IRF2: variants seen among roughly 807,000 people sequenced by gnomAD.
The protein encoded by IRF2 is interferon regulatory factor 2.
Under a neutral mutation model 40.6 loss-of-function variants are expected in IRF2, and 15 were observed. The ratio of observed to expected loss-of-function variants is 0.37; its 90% confidence interval spans 0.25 to 0.57. The LOEUF is 0.57. Among genes scored for constraint, IRF2 ranks in the 20% least tolerant of loss-of-function variants. The pLI, the probability that IRF2 is intolerant of heterozygous loss-of-function variation, is 0.77. For synonymous variants in IRF2, 151 were observed against 165.5 expected (o/e 0.91, Z 0.67); for missense variants, 317 against 455.7 (o/e 0.70, Z 2.77).
chr4:184,399,353 T>C (rs553607606), intron 6 of IRF2, among the ~76,000 whole-genome samples: 1 of 152,280 alleles, frequency 6.6e-6, no homozygotes, highest in South Asian at 2.1e-4. Flanking sequence ...TCAGCAGAAT[T>C]CCACAGTCAA....
rs1736940322 is a variant in IRF2 at position 184,408,364 on chromosome 4, T to C, written c.412-89A>G. 2 of 824,142 alleles carry C rather than the reference T, an allele frequency of 2.4e-6. No homozygotes were observed. The highest frequency in any genetic ancestry group is 3.6e-5 in the Admixed American group (2 of 54,982). 51.1% of individuals were successfully genotyped at this position (824,142 alleles called of 1,614,324 possible). A position where few individuals can be genotyped will look rare whatever the true frequency, so the allele number is the denominator to read the frequency against. On this transcript the variant is annotated intron_variant, in intron 5 of 8. Coordinates refer to ENST00000393593, the MANE Select transcript of IRF2 (RefSeq NM_002199.4). This position sits in a 1 kb window ranked among gnomAD's most constrained non-coding sequence, Gnocchi z 4.9. Reference sequence around the variant, plus strand: ...AATTCTACCCTCTGCCTACTTTCTTTAATGCTAGGGTCATTCATGTTCAGC... The same window carrying C: ...AATTCTACCCTCTGCCTACTTTCTTCAATGCTAGGGTCATTCATGTTCAGC...
intron 1 of IRF2, among the ~76,000 whole-genome samples, chr4:184,460,925 T>C (rs912890685): frequency 6.6e-6 from 1 of 152,212 alleles, no homozygotes; most frequent in Non-Finnish European, 1.5e-5. Context: ...TAGGCTGTTA[T>C]TTTAAATAAG....
chr4:184,450,884 C>T (rs1738689504), intron 1 of IRF2, among the ~76,000 whole-genome samples: 1 of 152,128 alleles, frequency 6.6e-6, no homozygotes, highest in South Asian at 2.1e-4. Context: ...TGAATGACAT[C>T]CACACCGTCC....
chr4:184,448,793 C>T lies in IRF2; in HGVS notation c.-6-19723G>A, dbSNP rs1390327390. Reference sequence around the variant, plus strand: ...TCCCAGCGCCCCAAATCTGGCATTCCCAGAATAGTTTCATTTTCGATCATG... The same window carrying T: ...TCCCAGCGCCCCAAATCTGGCATTCTCAGAATAGTTTCATTTTCGATCATG... On this transcript the variant is annotated intron_variant, in intron 1 of 8. Coordinates refer to ENST00000393593, the MANE Select transcript of IRF2 (RefSeq NM_002199.4). The surrounding 1 kb of genome is among the most constrained non-coding windows in gnomAD (Gnocchi z 4.3). The T allele has an allele frequency of 6.6e-6, 1 of 152,174 alleles. No individual in the cohort carries two copies. Among genetic ancestry groups the T allele is most frequent in the Non-Finnish European group, 1.5e-5 (1 of 68,054 alleles). 9.4% of individuals were successfully genotyped at this position (152,174 alleles called of 1,614,324 possible). A position where few individuals can be genotyped will look rare whatever the true frequency, so the allele number is the denominator to read the frequency against.
At position 184,433,956 on chromosome 4, in the gene IRF2, G is replaced by T. The variant is rs58161271; in HGVS notation, c.-6-4886C>A. On this transcript the variant is annotated intron_variant, in intron 1 of 8. Coordinates refer to ENST00000393593, the MANE Select transcript of IRF2 (RefSeq NM_002199.4). Reference sequence around the variant, plus strand: ...CCTAGCACCAGAAACGGATCATTTAGTTGGACACTATAAACAGATTAATTA... The same window carrying T: ...CCTAGCACCAGAAACGGATCATTTATTTGGACACTATAAACAGATTAATTA... 4.6e-3 allele frequency among the ~76,000 whole-genome samples: 703 copies of T among 152,272 alleles called. 7 individuals are homozygous for T. Among genetic ancestry groups the T allele is most frequent in the African/African-American group, 0.016 (677 of 41,576 alleles).
chr4:184,390,383 G>A (rs529002641), intron 8 of IRF2, among the ~76,000 whole-genome samples: 10 of 152,264 alleles, frequency 6.6e-5, no homozygotes, highest in South Asian at 6.2e-4. Context: ...TATTTTTGCC[G>A]GTGAAGTAGG....
At chr4:184,452,769 T>TAAAAAAA (rs1738762996) in intron 1 of IRF2, among the ~76,000 whole-genome samples, 2 of 6,852 alleles carry the variant, frequency 2.9e-4, no homozygotes, top group Non-Finnish European at 3.0e-4. Context: ...GGACCCTGTC[T>TAAAAAAA]CAAAAAAAAA....
chr4:184,439,054 C>G (rs1738194874), intron 1 of IRF2, among the ~76,000 whole-genome samples: 1 of 152,182 alleles, frequency 6.6e-6, no homozygotes, highest in South Asian at 2.1e-4. Context: ...ATATTATCTG[C>G]ACCAATGCAA....
chr4:184,391,599 C>G (rs1424145274), intron 7 of IRF2, among the ~76,000 whole-genome samples: 1 of 152,226 alleles, frequency 6.6e-6, no homozygotes, highest in Admixed American at 6.5e-5. Flanking sequence ...TGGAAATGGA[C>G]CCTTCCCCAG....
At chr4:184,433,655 GGGTT>G (rs3836658) in intron 1 of IRF2, among the ~76,000 whole-genome samples, 73,066 of 151,586 alleles carry the variant, frequency 0.48, 17,717 homozygotes, top group East Asian at 0.55. Flanking sequence ...TTGTTTGCTT[GGGTT>G]GGTTGGTTGG....
At chr4:184,437,431 T>G (rs1738123744) in intron 1 of IRF2, among the ~76,000 whole-genome samples, 1 of 152,120 alleles carries the variant, frequency 6.6e-6, no homozygotes, top group Non-Finnish European at 1.5e-5. Flanking sequence ...ACTCCTGGCC[T>G]CAAGTGATCC....
At chr4:184,422,889 T>C (rs1311411938) in intron 2 of IRF2, among the ~76,000 whole-genome samples, 1 of 152,224 alleles carries the variant, frequency 6.6e-6, no homozygotes, top group African/African-American at 2.4e-5. Context: ...ACAGTGGTGA[T>C]GGCTGCATGA....
intron 1 of IRF2, among the ~76,000 whole-genome samples, chr4:184,434,234 A>T (rs1464096324): frequency 2.0e-5 from 3 of 152,204 alleles, no homozygotes; most frequent in Admixed American, 2.0e-4. Flanking sequence ...CTAAGAACCA[A>T]AATGCACAGA....
chr4:184,418,341 CCACATGTATCTTT>C lies in IRF2; in HGVS notation c.365-141_365-129del, dbSNP rs139020392. 2.9e-4 allele frequency: 277 copies of C among 965,766 alleles called. 1 individual carries two copies. In the African/African-American group the frequency reaches 4.2e-3, roughly 15 times the overall value. The allele number at this position is 965,766 out of a possible 1,614,324, so 59.8% of individuals were successfully genotyped here. ...CTTTAATCTGTACATGGTCAAAATTCCACATGTATCTTTCACTGCCTCTGGTGAATCGAAAGTC... is the reference window on the plus strand; with the variant it reads ...CTTTAATCTGTACATGGTCAAAATTCCACTGCCTCTGGTGAATCGAAAGTC... On this transcript the variant is annotated intron_variant, in intron 4 of 8. Transcript: ENST00000393593.
chr4:184,460,518 G>C (rs1011333305), intron 1 of IRF2, among the ~76,000 whole-genome samples: 1 of 152,148 alleles, frequency 6.6e-6, no homozygotes, highest in African/African-American at 2.4e-5. Context: ...GCTTCAACAT[G>C]CATTTATGAA....
intron 2 of IRF2, among the ~76,000 whole-genome samples, chr4:184,425,989 TGTTTG>T (rs767914183): frequency 1.7e-5 from 2 of 119,958 alleles, no homozygotes; most frequent in South Asian, 2.7e-4. Context: ...TTTGTTTGTT[TGTTTG>T]TTTGTTTGTT....
chr4:184,401,049 A>T (rs1052085618), intron 6 of IRF2, among the ~76,000 whole-genome samples: 1 of 152,248 alleles, frequency 6.6e-6, no homozygotes, highest in Non-Finnish European at 1.5e-5. Context: ...AGGCACAGAG[A>T]GGGAGAGTGA....
intron 2 of IRF2, 45 bp from the exon 3 acceptor site, chr4:184,419,613 GT>G: frequency 1.4e-6 from 2 of 1,383,814 alleles, no homozygotes; most frequent in Non-Finnish European, 2.0e-6. Context: ...GGAGTCATGG[GT>G]TTTGGCCCAC....
At chr4:184,400,919 C>T (rs1176247930) in intron 6 of IRF2, among the ~76,000 whole-genome samples, 1 of 152,194 alleles carries the variant, frequency 6.6e-6, no homozygotes, top group East Asian at 1.9e-4. Context: ...TCCCAAGGTC[C>T]TCAAAGCACT....
Sources: allele counts gnomAD v4.1 joint callset (sites outside exome capture counted in the v4.1 genomes callset), GRCh38; gene constraint gnomAD v4.1.1; non-coding constraint Gnocchi (gnomAD v3.1); transcripts MANE v1.5; gene names NCBI Gene and HGNC (gene_info 2026-07-23, HGNC 2026-07-21).